Variants in MALRD1 observed in about 807,000 individuals in gnomAD.
MALRD1 encodes MAM and LDL-receptor class A domain-containing protein 1.
Under a neutral mutation model 242.1 loss-of-function variants are expected in MALRD1, and 247 were observed. That is an observed-to-expected ratio of 1.02 (90% CI 0.92 to 1.13). MALRD1 has a LOEUF of 1.13. Among genes scored for constraint, MALRD1 ranks in the 50% most tolerant of loss-of-function variants. The pLI, the probability that MALRD1 is intolerant of heterozygous loss-of-function variation, is 0.00. For missense variants in MALRD1, 2,989 were observed against 2,533.1 expected (o/e 1.18, Z -3.86); for synonymous variants, 995 against 866.6 (o/e 1.15, Z -2.60).
In MALRD1 at chr10:19,493,432, A is replaced by T. The variant is rs142927605; in HGVS notation, c.5158+1787A>T. 1.6e-3 allele frequency: 240 copies of T among 152,238 alleles called. 1 individual carries two copies. Among genetic ancestry groups the T allele is most frequent in the African/African-American group, 5.5e-3 (229 of 41,552 alleles). 9.4% of individuals were successfully genotyped at this position (152,238 alleles called of 1,614,324 possible). ...TATAGTATTAATTTTATAAAATATCATGTATTTCTTTCATAGTATGTACAT... is the reference window on the plus strand; with the variant it reads ...TATAGTATTAATTTTATAAAATATCTTGTATTTCTTTCATAGTATGTACAT... On this transcript the variant is annotated intron_variant, in intron 30 of 39. Coordinates refer to ENST00000454679, the MANE Select transcript of MALRD1 (RefSeq NM_001142308.3).
chr10:19,495,481 A>G (rs77636490), intron 30 of MALRD1, among the ~76,000 whole-genome samples: 5,237 of 152,128 alleles, frequency 0.034, 172 homozygotes, highest in African/African-American at 0.085. Flanking sequence ...ACAACCAAGA[A>G]TTTCACATAC....
At chr10:19,466,680 T>C (rs905603761) in intron 29 of MALRD1, among the ~76,000 whole-genome samples, 5 of 152,196 alleles carry the variant, frequency 3.3e-5, no homozygotes, top group Non-Finnish European at 7.3e-5. Flanking sequence ...TTGGAAATCC[T>C]TGGGACCAGA....
At chr10:19,138,085 A>G (rs1018679469) in intron 10 of MALRD1, among the ~76,000 whole-genome samples, 4 of 152,184 alleles carry the variant, frequency 2.6e-5, no homozygotes, top group African/African-American at 9.6e-5. Context: ...GCGGAGGGAC[A>G]CAGGAGAGAG....
intron 32 of MALRD1, among the ~76,000 whole-genome samples, chr10:19,539,873 T>C (rs992323185): frequency 3.8e-5 from 3 of 78,024 alleles, no homozygotes; most frequent in Admixed American, 1.6e-4. Context: ...TGTGTGTGTG[T>C]GTGTGTGTGT....
At chr10:19,054,315 A>G (rs1025581696) in intron 1 of MALRD1, among the ~76,000 whole-genome samples, 18 of 152,294 alleles carry the variant, frequency 1.2e-4, no homozygotes, top group African/African-American at 4.3e-4. Context: ...ATATAAGTAT[A>G]TAATGTGGAA....
chr10:19,530,381 ATTATATATTTAT>A (rs1564417167), intron 31 of MALRD1, among the ~76,000 whole-genome samples: 19 of 90,242 alleles, frequency 2.1e-4, no homozygotes, highest in African/African-American at 9.3e-4. Context: ...TTATATAAAT[ATTATATATTTAT>A]ATAAATATTA....
At chr10:19,301,704 A>T (rs1841957107) in intron 21 of MALRD1, among the ~76,000 whole-genome samples, 1 of 151,618 alleles carries the variant, frequency 6.6e-6, no homozygotes, top group Non-Finnish European at 1.5e-5. Flanking sequence ...AGTCACCGGG[A>T]CCTTCTTGAG....
intron 1 of MALRD1, among the ~76,000 whole-genome samples, chr10:19,061,367 C>T (rs1238953715): frequency 2.0e-5 from 3 of 152,146 alleles, no homozygotes; most frequent in Non-Finnish European, 2.9e-5. Context: ...AAGCAATCTA[C>T]AGATTCAGTG....
intron 29 of MALRD1, 90 bp from the exon 30 acceptor site, chr10:19,491,427 G>A (rs1837487651): frequency 4.2e-6 from 6 of 1,435,038 alleles, no homozygotes; most frequent in Non-Finnish European, 5.7e-6. Context: ...TTGCTTACTA[G>A]TGTGAAATCT....
At chr10:19,408,665 A>G (rs189396755) in intron 28 of MALRD1, among the ~76,000 whole-genome samples, 29 of 152,348 alleles carry the variant, frequency 1.9e-4, no homozygotes, top group African/African-American at 7.0e-4. Flanking sequence ...CAAAAACATG[A>G]AAAGGTTTTC....
chr10:19,143,594 C>G (rs1833622798), intron 10 of MALRD1, among the ~76,000 whole-genome samples: 1 of 152,154 alleles, frequency 6.6e-6, no homozygotes, highest in Non-Finnish European at 1.5e-5. Context: ...TGAGGCAACC[C>G]TGGGCCAGGC....
chr10:19,481,512 G>C (rs533764995), intron 29 of MALRD1, among the ~76,000 whole-genome samples: 1 of 152,266 alleles, frequency 6.6e-6, no homozygotes, highest in East Asian at 1.9e-4. Context: ...TAGAATAAGA[G>C]AGCAACCAAG....
chr10:19,343,777 C>T (rs763002407), intron 24 of MALRD1, among the ~76,000 whole-genome samples: 9 of 152,094 alleles, frequency 5.9e-5, no homozygotes, highest in Non-Finnish European at 8.8e-5. Flanking sequence ...GTCACACTAC[C>T]ACCAATAATG....
At chr10:19,632,904 G>T (rs1039774265) in intron 36 of MALRD1, among the ~76,000 whole-genome samples, 1 of 152,076 alleles carries the variant, frequency 6.6e-6, no homozygotes, top group African/African-American at 2.4e-5. Flanking sequence ...CTCCATTGAG[G>T]CTATGAAAAG....
chr10:19,276,304 A>G (rs966387337), intron 19 of MALRD1, among the ~76,000 whole-genome samples: 192 of 152,144 alleles, frequency 1.3e-3, no homozygotes, highest in African/African-American at 3.1e-3. Context: ...AATTATATAT[A>G]TATATATTTT....
chr10:19,149,668 AT>A (rs1361610084), intron 11 of MALRD1, among the ~76,000 whole-genome samples: 1 of 152,016 alleles, frequency 6.6e-6, no homozygotes, highest in Non-Finnish European at 1.5e-5. Context: ...AATACTATCT[AT>A]TTTTTTCATT....
intron 4 of MALRD1, among the ~76,000 whole-genome samples, chr10:19,095,904 A>G (rs1410311042): frequency 1.3e-5 from 2 of 152,194 alleles, no homozygotes; most frequent in African/African-American, 2.4e-5. Context: ...CTGAAGGATG[A>G]TCTTGCTGAA....
intron 28 of MALRD1, among the ~76,000 whole-genome samples, chr10:19,429,170 A>C (rs1834021025): frequency 6.6e-6 from 1 of 152,224 alleles, no homozygotes; most frequent in Admixed American, 6.5e-5. Flanking sequence ...TATTACTGTT[A>C]TCTTCACGTT....
At chr10:19,332,361 G>A (rs894338086) in intron 24 of MALRD1, among the ~76,000 whole-genome samples, 3 of 151,938 alleles carry the variant, frequency 2.0e-5, no homozygotes, top group African/African-American at 4.8e-5. Flanking sequence ...AATAGACAAA[G>A]TGATCTCTCA....
Sources: gnomAD v4.1 joint callset for allele counts (sites outside exome capture counted in the v4.1 genomes callset) on GRCh38, gnomAD v4.1.1 for gene constraint, MANE v1.5 for transcripts, NCBI Gene and HGNC (gene_info 2026-07-23, HGNC 2026-07-21) for gene names.